Variants in TOB1 observed in about 807,000 individuals in gnomAD.
TOB1 encodes protein Tob1.
TOB1 carries 2 observed loss-of-function variants against 22.9 expected under a neutral mutation model. That is an observed-to-expected ratio of 0.09 (90% CI 0.04 to 0.28). The LOEUF (loss-of-function observed/expected upper bound fraction) is 0.28. TOB1 is among the 10% of genes least tolerant of loss of function. The pLI is 1.00. For synonymous variants in TOB1, 154 were observed against 150.6 expected, an observed-to-expected ratio of 1.02 and a Z score of -0.17; for missense variants, 299 against 420.5, an observed-to-expected ratio of 0.71 and a Z score of 2.53.
In TOB1 at chr17:50,863,375, C is replaced by T; in HGVS notation, c.643G>A (p.Asp215Asn). The T allele has an allele frequency of 2.5e-6, 4 of 1,614,122 alleles. No individual in the cohort carries two copies. Among genetic ancestry groups the T allele is most frequent in the Non-Finnish European group, 3.4e-6 (4 of 1,180,036 alleles). Reference protein sequence around the residue: ...SPINLGLNVNDLLKQKAISSS... With the variant: ...SPINLGLNVNNLLKQKAISSS... ...GAGATGGCTTTCTGCTTCAAGAGGT[C>T]ATTCACATTCAAGCCGAGGTTGATG... The change falls in exon 2 of 2, where the codon GAC becomes AAC. Residue 215 changes from aspartate to asparagine, a missense_variant. Asp to Asn is a conservative substitution (Grantham distance 23, BLOSUM62 1). Transcript: ENST00000499247.
rs1428796452 is a variant in TOB1, at chr17:50,863,432, C to T, written c.586G>A (p.Gly196Ser). 1.2e-6 allele frequency: 2 copies of T among 1,613,950 alleles called. No homozygotes were observed. Among genetic ancestry groups the T allele is most frequent in the African/African-American group, 1.3e-5 (1 of 74,882 alleles). ...KFGSTKMKNS[G>S]RSNKVARTSP... ...GTACGTGCAACCTTGTTGCTACGGCCACTATTCTTCATTTTGGTAGAGCCG... is the reference window on the plus strand; with the variant it reads ...GTACGTGCAACCTTGTTGCTACGGCTACTATTCTTCATTTTGGTAGAGCCG... The change falls in exon 2 of 2, where the codon GGC becomes AGC. Residue 196 changes from glycine to serine, a missense_variant. Gly to Ser is a moderately conservative substitution (Grantham distance 56). Transcript: ENST00000499247.
At position 50,863,550 on chromosome 17, in the gene TOB1, A is replaced by G. The variant is rs1372115749; in HGVS notation, c.468T>C (p.Pro156=). 3.7e-6 allele frequency: 6 copies of G among 1,614,054 alleles called. No homozygotes were observed. In the South Asian group the frequency reaches 6.6e-5, roughly 18 times the overall value. ...ASSVSSSPSP[P]FGHSAAVSPT... ...GGCTTACAGCAGCAGAGTGACCAAA[A>G]GGAGGCGATGGAGAGCTGGACACTG... The change falls in exon 2 of 2, where the codon CCT becomes CCC. Residue 156 remains proline, a synonymous_variant. Coordinates refer to ENST00000499247, the MANE Select transcript of TOB1 (RefSeq NM_005749.4).
chr17:50,865,604 G>A (rs980026184), intron 1 of TOB1, among the ~76,000 whole-genome samples: 1 of 152,046 alleles, frequency 6.6e-6, no homozygotes, highest in African/African-American at 2.4e-5. Context: ...AGGTCGGGGC[G>A]CCGGGTCAGC....
chr17:50,867,331 C>A (rs184618775), upstream of TOB1: 1 of 152,384 alleles, frequency 6.6e-6, no homozygotes, highest in East Asian at 1.9e-4. Flanking sequence ...CGTTTAAGAT[C>A]ATTCTTGGCT....
Position 50,866,263 on chromosome 17 carries a change from C to T in TOB1, c.-352G>A, listed in dbSNP as rs1301518603. ...CGGGGTGGCGGGCACGGGGGTCAGA[C>T]GAGCGCGCTCACTTCTCCACACAGC... On this transcript the variant is annotated 5_prime_UTR_variant, in exon 1 of 2. Transcript: ENST00000499247. 1 of 152,432 alleles carries T rather than the reference C, an allele frequency of 6.6e-6. No homozygotes were observed. The highest frequency in any genetic ancestry group is 6.6e-5 in the Admixed American group (1 of 15,266). The allele number at this position is 152,432 out of a possible 1,614,324, so 9.4% of individuals were successfully genotyped here. A position where few individuals can be genotyped will look rare whatever the true frequency, so the allele number is the denominator to read the frequency against.
At position 50,862,841 on chromosome 17, in the gene TOB1, C is replaced by A; in HGVS notation, c.*139G>T. ...CTTGGTTGGCAAATGAAAAATGATG[C>A]ATGTTTTATTATTATTTTTTTAACC... On this transcript the variant is annotated 3_prime_UTR_variant, in exon 2 of 2. Coordinates refer to ENST00000499247, the MANE Select transcript of TOB1 (RefSeq NM_005749.4). The A allele has an allele frequency of 2.5e-6, 3 of 1,188,562 alleles. No individual in the cohort carries two copies. Among genetic ancestry groups the A allele is most frequent in the South Asian group, 4.0e-5 (2 of 50,222 alleles). The allele number at this position is 1,188,562 out of a possible 1,614,324, so 73.6% of individuals were successfully genotyped here. A position where few individuals can be genotyped will look rare whatever the true frequency, so the allele number is the denominator to read the frequency against.
In TOB1 at chr17:50,864,037, TAG is replaced by T; in HGVS notation, c.-22_-21del. The T allele has an allele frequency of 8.6e-7, 1 of 1,158,470 alleles. No individual in the cohort carries two copies. The highest frequency in any genetic ancestry group is 3.1e-5 in the East Asian group (1 of 31,908). 71.8% of individuals were successfully genotyped at this position (1,158,470 alleles called of 1,614,324 possible). On this transcript the variant is annotated 5_prime_UTR_variant, in exon 2 of 2. Transcript: ENST00000499247. ...CTGCATAGCTGCTACGCCACAAAAT[TAG>T]GTTTCAACTCCCCCACCAAAAAAAA... is the stretch of plus-strand genomic sequence containing the variant.
Position 50,863,666 on chromosome 17 carries a change from T to C in TOB1, c.352A>G (p.Asn118Asp), listed in dbSNP as rs1267558846. The C allele has an allele frequency of 6.2e-7, 1 of 1,614,024 alleles. No individual in the cohort carries two copies. The highest frequency in any genetic ancestry group is 8.5e-7 in the Non-Finnish European group (1 of 1,180,026). Reference protein sequence around the residue: ...PVKVLYVDDNNENGCELDKEI... With the variant: ...PVKVLYVDDNDENGCELDKEI... ...TTATCCAACTCACATCCATTTTCAT[T>C]ATTATCATCCACGTAAAGCACCTTC... The change falls in exon 2 of 2, where the codon AAT (asparagine) becomes GAT (aspartate). Residue 118 changes from asparagine (N) to aspartate (D), a missense_variant. Coordinates refer to ENST00000499247, the MANE Select transcript of TOB1 (RefSeq NM_005749.4).
chr17:50,863,259 TGGTGGC>T lies in TOB1; in HGVS notation c.753_758del (p.Pro255_Pro256del). 1 of 1,613,830 alleles carries T rather than the reference TGGTGGC, an allele frequency of 6.2e-7. No homozygotes were observed. Among genetic ancestry groups the T allele is most frequent in the African/African-American group, 1.3e-5 (1 of 74,992 alleles). Reference sequence around the variant, plus strand: ...GCTGTTGTTGCTGCTGTGGTGGTGGTGGTGGCGGTGGCGGCTGGGCTGGCTGCTGCT... The same window carrying T: ...GCTGTTGTTGCTGCTGTGGTGGTGGTGGTGGCGGCTGGGCTGGCTGCTGCT... On this transcript the variant is annotated inframe_deletion, in exon 2 of 2. Transcript: ENST00000499247.
chr17:50,863,377 T>C lies in TOB1; in HGVS notation c.641A>G (p.Asn214Ser). Residue 214 changes from asparagine (N) to serine (S), a missense_variant, in exon 2 of 2, where the codon AAT becomes AGT. Transcript: ENST00000499247. Reference sequence around the variant, plus strand: ...GATGGCTTTCTGCTTCAAGAGGTCATTCACATTCAAGCCGAGGTTGATGGG... The same window carrying C: ...GATGGCTTTCTGCTTCAAGAGGTCACTCACATTCAAGCCGAGGTTGATGGG... ...TSPINLGLNV[N>S]DLLKQKAISS... 1 of 1,614,100 alleles carries C rather than the reference T, an allele frequency of 6.2e-7. No homozygotes were observed. The highest frequency in any genetic ancestry group is 8.5e-7 in the Non-Finnish European group (1 of 1,180,034).
Position 50,863,735 on chromosome 17 carries a change from C to T in TOB1, c.283G>A (p.Asp95Asn), listed in dbSNP as rs1972254312. The T allele has an allele frequency of 6.2e-7, 1 of 1,614,152 alleles. No homozygotes were observed. The highest frequency in any genetic ancestry group is 8.5e-7 in the Non-Finnish European group (1 of 1,180,044). Residue 95 changes from aspartate to asparagine, a missense_variant, in exon 2 of 2, where the codon GAC (aspartate) becomes AAC (asparagine). Physicochemically the swap from Asp to Asn is conservative, Grantham distance 23. Transcript: ENST00000499247. ...NLPQDLSVWIDPFEVSYQIGE... is the reference protein window; with the variant it reads ...NLPQDLSVWINPFEVSYQIGE... ...ATTTGGTAAGAAACCTCAAATGGGT[C>T]GATCCAAACACTAAGATCCTGTGGC...
rs1307329702 is a variant in TOB1, at chr17:50,863,850, T to C, written c.168A>G (p.Arg56=). ...CCACTTTCTCCCCTATGTGTATACATCTAAACCCCGATCCTTTGTATGGCT... is the reference window on the plus strand; with the variant it reads ...CCACTTTCTCCCCTATGTGTATACACCTAAACCCCGATCCTTTGTATGGCT... The part of the protein sequence containing the change: ...PEKPYKGSGF[R]CIHIGEKVDP... The change falls in exon 2 of 2, where the codon AGA becomes AGG. Residue 56 remains arginine (R), a synonymous_variant. Coordinates refer to ENST00000499247, the MANE Select transcript of TOB1 (RefSeq NM_005749.4). 1.2e-6 allele frequency: 2 copies of C among 1,614,074 alleles called. No individual in the cohort carries two copies. Among genetic ancestry groups the C allele is most frequent in the Non-Finnish European group, 1.7e-6 (2 of 1,180,024 alleles).
Position 50,863,082 on chromosome 17 carries a change from G to C in TOB1, c.936C>G (p.Ala312=). ...AAGATTTCTCATTGAGGCCTCCATA[G>C]GCTGCAAACACATCAAAGGCATTAC... is the stretch of plus-strand genomic sequence containing the variant. ...QYSNAFDVFA[A]YGGLNEKSFV... is the part of the protein sequence containing the mutation. The change falls in exon 2 of 2, where the codon GCC becomes GCG. Residue 312 remains alanine, a synonymous_variant. Transcript: ENST00000499247. The C allele has an allele frequency of 6.2e-7, 1 of 1,614,122 alleles. No homozygotes were observed. The highest frequency in any genetic ancestry group is 8.5e-7 in the Non-Finnish European group (1 of 1,180,024).
At position 50,863,881 on chromosome 17, in the gene TOB1, G is replaced by A. The variant is rs1298102554; in HGVS notation, c.137C>T (p.Pro46Leu). Residue 46 changes from proline to leucine, a missense_variant, in exon 2 of 2, where the codon CCT (proline) becomes CTT (leucine). Transcript: ENST00000499247. ...LKKKYEGHWY[P>L]EKPYKGSGFR... The stretch of plus-strand genomic sequence containing the variant: ...CCCCGATCCTTTGTATGGCTTTTCA[G>A]GATACCAGTGCCCTTCATATTTCTT... 6.2e-7 allele frequency: 1 copy of A among 1,613,958 alleles called. No homozygotes were observed. The highest frequency in any genetic ancestry group is 1.1e-5 in the South Asian group (1 of 91,074).
chr17:50,865,510 G>C (rs1972283911), intron 1 of TOB1, among the ~76,000 whole-genome samples: 1 of 152,128 alleles, frequency 6.6e-6, no homozygotes, highest in African/African-American at 2.4e-5. Flanking sequence ...AGGAGGAAGA[G>C]AGTACGAGCC....
chr17:50,864,021 T>G lies in TOB1; in HGVS notation c.-4A>C. On this transcript the variant is annotated 5_prime_UTR_variant, in exon 2 of 2. Coordinates refer to ENST00000499247, the MANE Select transcript of TOB1 (RefSeq NM_005749.4). ...CTACTTGGATTTCAAGCTGCATAGCTGCTACGCCACAAAATTAGGTTTCAA... is the reference window on the plus strand; with the variant it reads ...CTACTTGGATTTCAAGCTGCATAGCGGCTACGCCACAAAATTAGGTTTCAA... 1 of 1,279,750 alleles carries G rather than the reference T, an allele frequency of 7.8e-7. No individual in the cohort carries two copies. The highest frequency in any genetic ancestry group is 1.0e-6 in the Non-Finnish European group (1 of 979,538). 79.3% of individuals were successfully genotyped at this position (1,279,750 alleles called of 1,614,324 possible).
Position 50,862,948 on chromosome 17 carries a change from C to A in TOB1, c.*32G>T. 1 of 1,539,720 alleles carries A rather than the reference C, an allele frequency of 6.5e-7. No individual in the cohort carries two copies. The highest frequency in any genetic ancestry group is 1.3e-5 in the South Asian group (1 of 78,480). On this transcript the variant is annotated 3_prime_UTR_variant, in exon 2 of 2. Coordinates refer to ENST00000499247, the MANE Select transcript of TOB1 (RefSeq NM_005749.4). Reference sequence around the variant, plus strand: ...AAAAAAAATCCCCCTTGGGCCCGTGCATTTTAACTTGTACGATACATTTTC... The same window carrying A: ...AAAAAAAATCCCCCTTGGGCCCGTGAATTTTAACTTGTACGATACATTTTC...
In TOB1 at chr17:50,863,812, T is replaced by C. The variant is rs1205084241; in HGVS notation, c.206A>G (p.Glu69Gly). 6.2e-7 allele frequency: 1 copy of C among 1,614,118 alleles called. No homozygotes were observed. Among genetic ancestry groups the C allele is most frequent in the East Asian group, 2.2e-5 (1 of 44,886 alleles). The change falls in exon 2 of 2, where the codon GAA becomes GGA. Residue 69 changes from glutamate to glycine, a missense_variant. Coordinates refer to ENST00000499247, the MANE Select transcript of TOB1 (RefSeq NM_005749.4). The stretch of plus-strand genomic sequence containing the variant: ...CAAACCACTCTCTTTGGATGCTTGT[T>C]CAATCACTGGGTCCACTTTCTCCCC... The part of the protein sequence containing the change: ...HIGEKVDPVI[E>G]QASKESGLDI...
chr17:50,863,307 C>T lies in TOB1; in HGVS notation c.711G>A (p.Gln237=), dbSNP rs1597989689. ...GCTGCTGCTGTTGCTGTGGCTGCTGCTGGCTACCCAAGCCAAGCCCATACA... is the reference window on the plus strand; with the variant it reads ...GCTGCTGCTGTTGCTGTGGCTGCTGTTGGCTACCCAAGCCAAGCCCATACA... ...HSLYGLGLGS[Q]QQPQQQQQPA... The change falls in exon 2 of 2, where the codon CAG becomes CAA. Residue 237 remains glutamine (Q), a synonymous_variant. Transcript: ENST00000499247. 2 of 1,614,002 alleles carry T rather than the reference C, an allele frequency of 1.2e-6. No individual in the cohort carries two copies. Among genetic ancestry groups the T allele is most frequent in the South Asian group, 1.1e-5 (1 of 91,076 alleles).
Sources: allele counts gnomAD v4.1 joint callset (sites outside exome capture counted in the v4.1 genomes callset), GRCh38; gene constraint gnomAD v4.1.1; transcripts MANE v1.5; gene names NCBI Gene and HGNC (gene_info 2026-07-23, HGNC 2026-07-21).